Variants in KLHL29 observed in about 807,000 individuals in gnomAD.
The protein encoded by KLHL29 is kelch-like protein 29.
A neutral mutation model predicts 80.4 loss-of-function variants in KLHL29; 21 were observed. The ratio of observed to expected loss-of-function variants is 0.26; its 90% CI spans 0.19 to 0.38. The LOEUF is 0.38. KLHL29 is among the 10% of genes least tolerant of loss of function. KLHL29 has a pLI of 1.00. For synonymous variants in KLHL29, 511 were observed against 526.8 expected, an observed-to-expected ratio of 0.97 and a Z score of 0.41; for missense variants, 867 against 1,223.9, an observed-to-expected ratio of 0.71 and a Z score of 4.35.
chr2:23,691,430 CT>C (rs1213194073), intron 6 of KLHL29: 4 of 570,484 alleles, frequency 7.0e-6, no homozygotes, highest in East Asian at 3.0e-5. Context: ...TGATTTGCAT[CT>C]TTTTTTGCAT....
chr2:23,573,162 C>A (rs1339547716), intron 3 of KLHL29, among the ~76,000 whole-genome samples: 1 of 152,212 alleles, frequency 6.6e-6, no homozygotes, highest in African/African-American at 2.4e-5. Flanking sequence ...TGTGCCCTTC[C>A]CATCTCTCCT....
intron 3 of KLHL29, among the ~76,000 whole-genome samples, chr2:23,614,828 A>T (rs575888647): frequency 5.3e-5 from 8 of 152,312 alleles, no homozygotes; most frequent in African/African-American, 1.9e-4. Context: ...TGGTGTGTTC[A>T]GGAAACAGCA....
intron 3 of KLHL29, among the ~76,000 whole-genome samples, chr2:23,563,357 C>T (rs371224807): frequency 9.9e-5 from 15 of 152,236 alleles, no homozygotes; most frequent in South Asian, 2.1e-4. Flanking sequence ...GGAAGGCCAT[C>T]GGTCCCCATC....
intron 6 of KLHL29, chr2:23,691,427 C>T: frequency 1.8e-6 from 1 of 567,346 alleles, no homozygotes; most frequent in Non-Finnish European, 3.2e-6. Flanking sequence ...TTTTGATTTG[C>T]ATCTTTTTTT....
intron 5 of KLHL29, among the ~76,000 whole-genome samples, chr2:23,670,618 T>C (rs1335851091): frequency 6.6e-6 from 1 of 152,164 alleles, no homozygotes; most frequent in Non-Finnish European, 1.5e-5. Flanking sequence ...CAATTCCACT[T>C]TTCTTCTTTC....
At chr2:23,551,971 C>G (rs550765321) in intron 2 of KLHL29, among the ~76,000 whole-genome samples, 78 of 152,340 alleles carry the variant, frequency 5.1e-4, no homozygotes, top group African/African-American at 1.8e-3. Flanking sequence ...TTATAAAATG[C>G]GAAGGTCAGT....
intron 1 of KLHL29, among the ~76,000 whole-genome samples, chr2:23,421,804 C>T (rs575918861): frequency 7.4e-5 from 11 of 148,720 alleles, no homozygotes; most frequent in South Asian, 4.3e-4. Flanking sequence ...GTGTGTGTGT[C>T]CATTTGTCTG....
chr2:23,403,030 A>C (rs1381506902), intron 1 of KLHL29, among the ~76,000 whole-genome samples: 2 of 132,740 alleles, frequency 1.5e-5, no homozygotes, highest in Non-Finnish European at 3.1e-5. Flanking sequence ...AGTGTACACT[A>C]TAATGTCAAG....
At chr2:23,592,175 G>A (rs1668282457) in intron 3 of KLHL29, among the ~76,000 whole-genome samples, 1 of 152,220 alleles carries the variant, frequency 6.6e-6, no homozygotes, top group African/African-American at 2.4e-5. Flanking sequence ...GGCCCCAGCT[G>A]GCCTGCAGCA....
At chr2:23,412,888 T>G (rs1459073412) in intron 1 of KLHL29, among the ~76,000 whole-genome samples, 1 of 152,184 alleles carries the variant, frequency 6.6e-6, no homozygotes, top group African/African-American at 2.4e-5. Flanking sequence ...CTTCTCCCTC[T>G]GCTTCTGTTT....
chr2:23,681,969 T>C lies in KLHL29; in HGVS notation c.941-2430T>C, dbSNP rs933499311. On this transcript the variant is annotated intron_variant, in intron 5 of 13. Transcript: ENST00000486442. This position sits in a 1 kb window ranked among gnomAD's most constrained non-coding sequence, Gnocchi z 4.2. Reference sequence around the variant, plus strand: ...GCCGCTGGGCTCTCTACCTTGTCTCTAGCCCAGGCCTCTATCCACCGCCTC... The same window carrying C: ...GCCGCTGGGCTCTCTACCTTGTCTCCAGCCCAGGCCTCTATCCACCGCCTC... Among the ~76,000 whole-genome samples, 2 of 152,108 alleles carry C rather than the reference T, an allele frequency of 1.3e-5. No homozygotes were observed. Among genetic ancestry groups the C allele is most frequent in the African/African-American group, 4.8e-5 (2 of 41,414 alleles).
At chr2:23,502,787 G>A (rs926822568) in intron 2 of KLHL29, among the ~76,000 whole-genome samples, 1 of 152,096 alleles carries the variant, frequency 6.6e-6, no homozygotes, top group Non-Finnish European at 1.5e-5. Flanking sequence ...GTTCCCAACC[G>A]CACCCTGCAT....
At chr2:23,564,629 G>C (rs967162099) in intron 3 of KLHL29, among the ~76,000 whole-genome samples, 8 of 152,192 alleles carry the variant, frequency 5.3e-5, no homozygotes, top group Non-Finnish European at 1.0e-4. Context: ...TTCTAGCCTG[G>C]CTCCTGCCCA....
chr2:23,394,112 C>T (rs954071428), intron 1 of KLHL29, among the ~76,000 whole-genome samples: 14 of 152,180 alleles, frequency 9.2e-5, no homozygotes, highest in African/African-American at 3.4e-4. Context: ...GCCGGAACAT[C>T]CCTGCTTTCC....
At chr2:23,482,827 T>G (rs1664834146) in intron 2 of KLHL29, among the ~76,000 whole-genome samples, 6 of 270 alleles carry the variant, frequency 0.022, no homozygotes, top group Non-Finnish European at 0.12. Context: ...CAACGCTCAC[T>G]CATTCATTCA....
intron 2 of KLHL29, among the ~76,000 whole-genome samples, chr2:23,485,113 C>T (rs1664898985): frequency 6.6e-6 from 1 of 152,146 alleles, no homozygotes; most frequent in Admixed American, 6.5e-5. Context: ...CTGAGGGCAG[C>T]CTGCAGAGCC....
intron 2 of KLHL29, among the ~76,000 whole-genome samples, chr2:23,525,800 C>A (rs1397658305): frequency 6.7e-6 from 1 of 149,026 alleles, no homozygotes; most frequent in Non-Finnish European, 1.5e-5. Context: ...ATCAGGTGCG[C>A]AGGACGCCCA....
At chr2:23,586,152 A>C (rs1405492388) in intron 3 of KLHL29, among the ~76,000 whole-genome samples, 1 of 152,184 alleles carries the variant, frequency 6.6e-6, no homozygotes, top group Non-Finnish European at 1.5e-5. Flanking sequence ...GTGTGACCTC[A>C]GAAAATGCTA....
intron 5 of KLHL29, 158 bp downstream of exon 5, chr2:23,643,008 C>G: frequency 1.1e-6 from 1 of 884,972 alleles, no homozygotes; most frequent in Non-Finnish European, 1.8e-6. Flanking sequence ...CCCAAGACAA[C>G]TGGCCTGAGA....
Sources: gnomAD v4.1 joint callset for allele counts (sites outside exome capture counted in the v4.1 genomes callset) on GRCh38, gnomAD v4.1.1 for gene constraint, Gnocchi (gnomAD v3.1) non-coding constraint, MANE v1.5 for transcripts, NCBI Gene and HGNC (gene_info 2026-07-23, HGNC 2026-07-21) for gene names.